INTU: variants seen among roughly 807,000 people sequenced by gnomAD.
The protein encoded by INTU is inturned planar cell polarity protein.
In INTU, 68 loss-of-function variants were observed where a neutral mutation model predicts 100.5. That is an observed-to-expected ratio of 0.68 (90% CI 0.56 to 0.83). The LOEUF is 0.83. Ranked by LOEUF, INTU falls within the 40% of genes least tolerant of loss-of-function variation. The probability of loss-of-function intolerance (pLI) is 0.00; values close to 1 mark genes in which losing one functional copy is unlikely to be tolerated. For missense variants in INTU, 1,071 were observed against 1,114.7 expected (o/e 0.96, Z 0.56); for synonymous variants, 357 against 395.7 (o/e 0.90, Z 1.16).
At chr4:127,636,697 AC>A (rs1308406944) in intron 1 of INTU, among the ~76,000 whole-genome samples, 2 of 151,568 alleles carry the variant, frequency 1.3e-5, no homozygotes, top group Non-Finnish European at 2.9e-5. Flanking sequence ...TGCCAGAGTT[AC>A]ATCATATCCC....
At chr4:127,685,171 T>C (rs937010816) in intron 7 of INTU, among the ~76,000 whole-genome samples, 1 of 152,114 alleles carries the variant, frequency 6.6e-6, no homozygotes, top group Non-Finnish European at 1.5e-5. Flanking sequence ...CTGTTATGCA[T>C]ATTTTTCTGC....
chr4:127,703,257 T>C (rs1260872551), intron 9 of INTU, among the ~76,000 whole-genome samples: 1 of 152,192 alleles, frequency 6.6e-6, no homozygotes, highest in African/African-American at 2.4e-5. Context: ...GCTGGGTTAT[T>C]TCCAGTTTTT....
intron 1 of INTU, among the ~76,000 whole-genome samples, 172 bp downstream of exon 1, chr4:127,633,352 T>C (rs886731486): frequency 6.6e-6 from 1 of 152,186 alleles, no homozygotes; most frequent in Admixed American, 6.5e-5. Context: ...TGAGCAGAAA[T>C]GACGATGCCA....
At chr4:127,706,435 G>A in intron 11 of INTU, 52 bp from the exon 12 acceptor site, 1 of 1,460,528 alleles carries the variant, frequency 6.8e-7, no homozygotes, top group South Asian at 1.3e-5. Context: ...CACATTTTAT[G>A]TAAATATTTT....
chr4:127,724,747 C>G lies in INTU; in HGVS notation c.*8311C>G, dbSNP rs1173945087. Reference sequence around the variant, plus strand: ...ATACCAGCACATCTAAAATCGGTCTCTACATTTTTCCATCTTAAATATGAG... The same window carrying G: ...ATACCAGCACATCTAAAATCGGTCTGTACATTTTTCCATCTTAAATATGAG... On this transcript the variant is annotated 3_prime_UTR_variant, in exon 16 of 16. Coordinates refer to ENST00000335251, the MANE Select transcript of INTU (RefSeq NM_015693.4). 6.6e-6 allele frequency: 1 copy of G among 152,126 alleles called. No individual in the cohort carries two copies. The highest frequency in any genetic ancestry group is 1.5e-5 in the Non-Finnish European group (1 of 68,040). The allele number at this position is 152,126 out of a possible 1,614,324, so 9.4% of individuals were successfully genotyped here.
rs571138199 is a variant in INTU, at chr4:127,676,712, G to A, written c.1181+2499G>A. On this transcript the variant is annotated intron_variant, in intron 6 of 15. Transcript: ENST00000335251. ...TTTCTGCATTTCCATCTGAGGTACC[G>A]GGTTCATCTCACTAGGGAGTGCCAG... is the stretch of plus-strand genomic sequence containing the variant. Among the ~76,000 whole-genome samples the A allele has an allele frequency of 5.3e-5, 8 of 152,262 alleles. No individual in the cohort carries two copies. In the East Asian group the frequency reaches 5.8e-4, roughly 11 times the overall value.
intron 6 of INTU, among the ~76,000 whole-genome samples, chr4:127,676,579 A>G (rs564061442): frequency 1.4e-5 from 2 of 145,048 alleles, no homozygotes; most frequent in Admixed American, 6.9e-5. Flanking sequence ...GAGCAAGACA[A>G]TGTCTCAAAA....
At chr4:127,696,136 T>C (rs191701258) in intron 8 of INTU, among the ~76,000 whole-genome samples, 1 of 152,312 alleles carries the variant, frequency 6.6e-6, no homozygotes, top group East Asian at 1.9e-4. Flanking sequence ...TGAAAGATAC[T>C]GGCCTGTCAT....
intron 1 of INTU, among the ~76,000 whole-genome samples, chr4:127,640,168 G>A (rs1727246699): frequency 6.6e-6 from 1 of 152,014 alleles, no homozygotes; most frequent in Non-Finnish European, 1.5e-5. Context: ...AACCATGTCA[G>A]GAACAACATT....
intron 6 of INTU, among the ~76,000 whole-genome samples, chr4:127,676,596 A>C (rs1261027679): frequency 6.7e-6 from 1 of 149,178 alleles, no homozygotes; most frequent in Non-Finnish European, 1.5e-5. Context: ...AAAAAAAAAA[A>C]AAAAGAGAGA....
At chr4:127,715,458 G>A (rs1305926037) in intron 15 of INTU, among the ~76,000 whole-genome samples, 1 of 152,172 alleles carries the variant, frequency 6.6e-6, no homozygotes, top group Non-Finnish European at 1.5e-5. Flanking sequence ...TAAAATCTGA[G>A]ATGCCTGGGC....
chr4:127,636,443 T>G (rs984133103), intron 1 of INTU, among the ~76,000 whole-genome samples: 6 of 151,864 alleles, frequency 4.0e-5, no homozygotes, highest in South Asian at 2.1e-4. Flanking sequence ...AAACCCCATC[T>G]CTACTAAAGA....
At position 127,724,463 on chromosome 4, in the gene INTU, A is replaced by G; in HGVS notation, c.*8027A>G. 1 of 152,026 alleles carries G rather than the reference A, an allele frequency of 6.6e-6. No homozygotes were observed. Among genetic ancestry groups the G allele is most frequent in the Non-Finnish European group, 1.5e-5 (1 of 67,984 alleles). The allele number at this position is 152,026 out of a possible 1,614,324, so 9.4% of individuals were successfully genotyped here. On this transcript the variant is annotated 3_prime_UTR_variant, in exon 16 of 16. Transcript: ENST00000335251. ...ACTAACTTTTATCTTAGAAATATAG[A>G]TCATTATGCATTGGGTTTTTTCAAA...
Position 127,684,394 on chromosome 4 carries a change from AT to A in INTU, c.1182-11del. 1 of 1,481,442 alleles carries A rather than the reference AT, an allele frequency of 6.8e-7. No individual in the cohort carries two copies. Among genetic ancestry groups the A allele is most frequent in the African/African-American group, 1.4e-5 (1 of 71,564 alleles). The allele number at this position is 1,481,442 out of a possible 1,614,324, so 91.8% of individuals were successfully genotyped here. A position where few individuals can be genotyped will look rare whatever the true frequency, so the allele number is the denominator to read the frequency against. ...ATTATGTTGTAAATTAATACGTGTA[AT>A]TTTGCTTTTTTAGAGTTCCTCTTCC... On this transcript the variant is annotated splice_polypyrimidine_tract_variant and intron_variant, in intron 6 of 15. Transcript: ENST00000335251.
intron 1 of INTU, among the ~76,000 whole-genome samples, chr4:127,636,269 GAA>G (rs959260303): frequency 4.0e-5 from 6 of 150,422 alleles, no homozygotes; most frequent in African/African-American, 1.2e-4. Context: ...TTTGTCTGAA[GAA>G]AAAAAAAGTT....
chr4:127,704,356 T>C (rs1560616308), intron 10 of INTU, 66 bp downstream of exon 10: 3 of 1,135,298 alleles, frequency 2.6e-6, no homozygotes, highest in Non-Finnish European at 3.9e-6. Context: ...TTCAAAACTT[T>C]TACAAACATG....
At chr4:127,672,336 A>G (rs1728966435) in intron 5 of INTU, among the ~76,000 whole-genome samples, 1 of 152,120 alleles carries the variant, frequency 6.6e-6, no homozygotes, top group Non-Finnish European at 1.5e-5. Flanking sequence ...CCTGTTCTGG[A>G]TATTACATAT....
intron 13 of INTU, among the ~76,000 whole-genome samples, chr4:127,709,712 C>CACAT (rs1731022856): frequency 5.6e-5 from 1 of 17,926 alleles, no homozygotes; most frequent in Non-Finnish European, 1.7e-4. Context: ...TAATAGAATT[C>CACAT]ACACACACAC....
chr4:127,651,663 G>C (rs1727885930), intron 2 of INTU, among the ~76,000 whole-genome samples: 1 of 152,112 alleles, frequency 6.6e-6, no homozygotes, highest in Non-Finnish European at 1.5e-5. Flanking sequence ...GATGCCTACA[G>C]CTTTGTTCTT....
Sources: allele counts gnomAD v4.1 joint callset (sites outside exome capture counted in the v4.1 genomes callset), GRCh38; gene constraint gnomAD v4.1.1; transcripts MANE v1.5; gene names NCBI Gene and HGNC (gene_info 2026-07-23, HGNC 2026-07-21).